TMEM229B: variants seen among roughly 807,000 people sequenced by gnomAD.
The protein encoded by TMEM229B is chromosome 14 open reading frame 83.
Under a neutral mutation model 13.7 loss-of-function variants are expected in TMEM229B, and 6 were observed. That is an observed-to-expected ratio of 0.44 (90% CI 0.24 to 0.86). The LOEUF (loss-of-function observed/expected upper bound fraction) is 0.86. Among genes scored for constraint, TMEM229B ranks in the 40% least tolerant of loss-of-function variants. TMEM229B has a pLI of 0.23. For synonymous variants in TMEM229B, 107 were observed against 102.1 expected, an observed-to-expected ratio of 1.05 and a Z score of -0.29; for missense variants, 170 against 236.0, an observed-to-expected ratio of 0.72 and a Z score of 1.83.
intron 1 of TMEM229B, among the ~76,000 whole-genome samples, chr14:67,506,640 T>C (rs1235076776): frequency 1.3e-5 from 2 of 152,134 alleles, no homozygotes; most frequent in East Asian, 3.9e-4. Context: ...CAACCTTGAA[T>C]ATGATGAAAT....
At chr14:67,486,225 T>C (rs183548502) in intron 2 of TMEM229B, among the ~76,000 whole-genome samples, 1 of 152,368 alleles carries the variant, frequency 6.6e-6, no homozygotes, top group East Asian at 1.9e-4. Flanking sequence ...GCCAGGTCTT[T>C]CTCATGCTGT....
chr14:67,473,924 G>A lies in TMEM229B; in HGVS notation c.-1C>T. The A allele has an allele frequency of 6.3e-7, 1 of 1,597,074 alleles. No individual in the cohort carries two copies. ...CCGTCAGGGGCTCGGCAGACGCCAT[G>A]GCGCCGACTGGGGCTGGCTGCGGGG... On this transcript the variant is annotated 5_prime_UTR_variant, in exon 3 of 3. Coordinates refer to ENST00000554480, the MANE Select transcript of TMEM229B (RefSeq NM_001348543.2). This position sits in a 1 kb window ranked among gnomAD's most constrained non-coding sequence, Gnocchi z 6.5.
At chr14:67,517,054 A>G (rs936024894), upstream of TMEM229B, among the ~76,000 whole-genome samples, 1 of 152,212 alleles carries the variant, frequency 6.6e-6, no homozygotes, top group Non-Finnish European at 1.5e-5. Flanking sequence ...TGCTGGAGAT[A>G]GGTCAGGGAA....
chr14:67,529,513 G>A (rs2033414475), intron 1 of TMEM229B, among the ~76,000 whole-genome samples: 1 of 152,054 alleles, frequency 6.6e-6, no homozygotes, highest in Non-Finnish European at 1.5e-5. Flanking sequence ...TTAAAGTTAG[G>A]ACACTTCCTC....
intron 1 of TMEM229B, among the ~76,000 whole-genome samples, chr14:67,526,604 A>G (rs1017759589): frequency 6.6e-6 from 1 of 152,200 alleles, no homozygotes; most frequent in African/African-American, 2.4e-5. Flanking sequence ...TAAAGTCTCC[A>G]CTTTAAGCAC....
intron 1 of TMEM229B, chr14:67,533,337 C>A (rs1280331086): frequency 6.6e-6 from 1 of 151,322 alleles, no homozygotes; most frequent in Non-Finnish European, 1.5e-5. Context: ...TCGGCTGCGG[C>A]GGCGGCCCGA....
At chr14:67,491,123 G>A (rs1465581836), upstream of TMEM229B, among the ~76,000 whole-genome samples, 2 of 152,156 alleles carry the variant, frequency 1.3e-5, no homozygotes, top group African/African-American at 2.4e-5. Flanking sequence ...TCCCATGACC[G>A]CCTCCTTGGG....
intron 2 of TMEM229B, among the ~76,000 whole-genome samples, chr14:67,483,775 G>A (rs2031725488): frequency 6.6e-6 from 1 of 152,230 alleles, no homozygotes; most frequent in African/African-American, 2.4e-5. Flanking sequence ...GCCCGGCCCA[G>A]CCCTGCCATG....
chr14:67,481,598 G>A (rs1271841344), intron 2 of TMEM229B, among the ~76,000 whole-genome samples: 1 of 152,188 alleles, frequency 6.6e-6, no homozygotes, highest in South Asian at 2.1e-4. Context: ...AATATTAGAG[G>A]CTGGGCATTG....
At position 67,471,436 on chromosome 14, in the gene TMEM229B, G is replaced by A. The variant is rs2030712538; in HGVS notation, c.*1984C>T. ...AGAGAACCAAGGAAACAATTGCCCA[G>A]AGAGAACGGGGAAGCCAGACAATAT... On this transcript the variant is annotated 3_prime_UTR_variant, in exon 3 of 3. Coordinates refer to ENST00000554480, the MANE Select transcript of TMEM229B (RefSeq NM_001348543.2). The A allele has an allele frequency of 6.6e-6, 1 of 152,400 alleles. No individual in the cohort carries two copies. The highest frequency in any genetic ancestry group is 2.4e-5 in the African/African-American group (1 of 41,558). The allele number at this position is 152,400 out of a possible 1,614,324, so 9.4% of individuals were successfully genotyped here. A position where few individuals can be genotyped will look rare whatever the true frequency, so the allele number is the denominator to read the frequency against.
intron 1 of TMEM229B, among the ~76,000 whole-genome samples, chr14:67,487,386 TC>T (rs940867503): frequency 3.9e-5 from 6 of 152,156 alleles, no homozygotes; most frequent in African/African-American, 1.4e-4. Flanking sequence ...TCCTGGACAA[TC>T]CACATGTCCA....
At chr14:67,505,900 C>A (rs919994327) in intron 1 of TMEM229B, among the ~76,000 whole-genome samples, 6 of 152,038 alleles carry the variant, frequency 3.9e-5, no homozygotes, top group Admixed American at 3.3e-4. Flanking sequence ...GGGTTTCCAC[C>A]ATGTTGGCCA....
intron 2 of TMEM229B, among the ~76,000 whole-genome samples, chr14:67,479,611 G>C (rs1014594056): frequency 2.0e-5 from 3 of 152,022 alleles, no homozygotes; most frequent in African/African-American, 7.3e-5. Flanking sequence ...CCAGCTACTC[G>C]GGAGGCTGAG....
upstream of TMEM229B, among the ~76,000 whole-genome samples, chr14:67,519,800 G>A (rs1414872968): frequency 6.6e-6 from 1 of 150,708 alleles, no homozygotes; most frequent in East Asian, 2.0e-4. Context: ...ATGGCTTACT[G>A]CAGCCTTGAA....
chr14:67,502,447 A>T (rs1225317867), intron 1 of TMEM229B, among the ~76,000 whole-genome samples: 1 of 136,470 alleles, frequency 7.3e-6, no homozygotes, highest in African/African-American at 2.6e-5. Context: ...ATCACCCAGA[A>T]GGTGATTTCT....
intron 1 of TMEM229B, among the ~76,000 whole-genome samples, chr14:67,487,523 T>TGG (rs1205722616): frequency 1.3e-5 from 2 of 152,228 alleles, no homozygotes; most frequent in African/African-American, 2.4e-5. Flanking sequence ...CACCCTGTAG[T>TGG]GGGTACATCT....
chr14:67,494,914 C>T (rs576300950), intron 1 of TMEM229B, among the ~76,000 whole-genome samples: 1 of 152,262 alleles, frequency 6.6e-6, no homozygotes, highest in African/African-American at 2.4e-5. Flanking sequence ...GAGTTTGAGA[C>T]CAGTCTGGGC....
intron 1 of TMEM229B, among the ~76,000 whole-genome samples, chr14:67,497,783 C>T (rs2032450267): frequency 6.6e-6 from 1 of 151,602 alleles, no homozygotes; most frequent in African/African-American, 2.4e-5. Flanking sequence ...CCAGCAGCAC[C>T]TCTCCTGGTA....
chr14:67,495,211 C>T (rs2032318893), intron 1 of TMEM229B, among the ~76,000 whole-genome samples: 1 of 152,172 alleles, frequency 6.6e-6, no homozygotes, highest in Non-Finnish European at 1.5e-5. Context: ...AAAATTCCAG[C>T]TCTGGGGTTT....
Sources: allele counts gnomAD v4.1 joint callset (sites outside exome capture counted in the v4.1 genomes callset), GRCh38; gene constraint gnomAD v4.1.1; non-coding constraint Gnocchi (gnomAD v3.1); transcripts MANE v1.5; gene names NCBI Gene and HGNC (gene_info 2026-07-23, HGNC 2026-07-21).